The following RYR1 variants were observed in gnomAD, a reference collection of about 807,000 sequenced individuals.
The protein encoded by RYR1 is ryanodine receptor 1.
RYR1 carries 342 observed loss-of-function variants against 583.5 expected under a neutral mutation model. That is an observed-to-expected ratio of 0.59 (90% CI 0.54 to 0.64). The LOEUF (loss-of-function observed/expected upper bound fraction) is 0.64. RYR1 is among the 30% of genes least tolerant of loss of function. RYR1 has a pLI of 0.00. For missense variants in RYR1, 6,032 were observed against 6,917.2 expected, an observed-to-expected ratio of 0.87 and a Z score of 4.54; for synonymous variants, 2,791 against 2,822.5, an observed-to-expected ratio of 0.99 and a Z score of 0.35.
At chr19:38,442,101 T>A (rs965742982) in intron 2 of RYR1, among the ~76,000 whole-genome samples, 1 of 151,266 alleles carries the variant, frequency 6.6e-6, no homozygotes, top group Non-Finnish European at 1.5e-5. Flanking sequence ...TTAGGGAAGT[T>A]TCTATGGAGT....
At position 38,565,242 on chromosome 19, in the gene RYR1, G is replaced by A. The variant is rs1367903656; in HGVS notation, c.12908G>A (p.Arg4303Gln). ...GCGCGGGTTGTGGCGGCCGCAGGCC[G>A]GGCCCTGCGAGGCCTCAGCTACCGC... The part of the protein sequence containing the change: ...ATARVVAAAG[R>Q]ALRGLSYRSL... Residue 4303 changes from arginine (R) to glutamine (Q), a missense_variant, in exon 91 of 106, where the codon CGG becomes CAG. This residue lies in a region of RYR1 where 753 missense variants were observed against 759.6 expected (regional missense o/e 0.99). Transcript: ENST00000359596. The surrounding 1 kb of genome is among the most constrained non-coding windows in gnomAD (Gnocchi z 4.7). 3 of 989,824 alleles carry A rather than the reference G, an allele frequency of 3.0e-6. No homozygotes were observed. In the South Asian group the frequency reaches 1.4e-4, roughly 45 times the overall value. The allele number at this position is 989,824 out of a possible 1,614,324, so 61.3% of individuals were successfully genotyped here. A position where few individuals can be genotyped will look rare whatever the true frequency, so the allele number is the denominator to read the frequency against.
intron 30 of RYR1, 26 bp from the exon 31 acceptor site, chr19:38,478,409 G>T (rs1281098117): frequency 1.2e-6 from 2 of 1,610,708 alleles, no homozygotes; most frequent in African/African-American, 1.3e-5. Flanking sequence ...CATGAGGAGT[G>T]CAGTGACCGC....
intron 35 of RYR1, among the ~76,000 whole-genome samples, chr19:38,489,872 C>T (rs998816630): frequency 6.6e-6 from 1 of 152,172 alleles, no homozygotes; most frequent in African/African-American, 2.4e-5. Context: ...TCAGGTGATC[C>T]ACCCACCTCG....
chr19:38,462,975 C>A (rs916327042), intron 20 of RYR1, among the ~76,000 whole-genome samples: 8 of 147,946 alleles, frequency 5.4e-5, no homozygotes, highest in African/African-American at 2.0e-4. Context: ...TGGCTCACTG[C>A]AACCTCTGCC....
chr19:38,456,760 A>G (rs1021902573), intron 16 of RYR1, among the ~76,000 whole-genome samples: 1 of 149,270 alleles, frequency 6.7e-6, no homozygotes. Flanking sequence ...ATTAAAAGGA[A>G]TGACAGCCGG....
intron 54 of RYR1, 143 bp downstream of exon 54, chr19:38,506,089 T>C (rs1023826103): frequency 2.8e-5 from 34 of 1,215,706 alleles, no homozygotes; most frequent in Admixed American, 6.3e-5. Flanking sequence ...ACCTGAGATC[T>C]GGGAAAGGAG....
In RYR1 at chr19:38,442,342, A is replaced by AC. The variant is rs745926203; in HGVS notation, c.166-3dup. Reference sequence around the variant, plus strand: ...GACCCCTCACTTACATCCCCCTCCCACCCCAGAATGTGCCCCCCGATCTGG... The same window carrying AC: ...GACCCCTCACTTACATCCCCCTCCCACCCCCAGAATGTGCCCCCCGATCTGG... On this transcript the variant is annotated splice_polypyrimidine_tract_variant and splice_region_variant and intron_variant, in intron 2 of 105. Coordinates refer to ENST00000359596, the MANE Select transcript of RYR1 (RefSeq NM_000540.3). 3.5e-5 allele frequency: 55 copies of AC among 1,582,690 alleles called. No homozygotes were observed. In the African/African-American group the frequency reaches 7.3e-4, roughly 21 times the overall value.
chr19:38,524,384 C>T (rs963818057), intron 70 of RYR1, among the ~76,000 whole-genome samples: 9 of 151,946 alleles, frequency 5.9e-5, no homozygotes, highest in Non-Finnish European at 1.2e-4. Flanking sequence ...GATAGTTAGC[C>T]GTGTGACCTT....
chr19:38,439,360 C>T (rs1372620898), intron 1 of RYR1, among the ~76,000 whole-genome samples: 2 of 152,086 alleles, frequency 1.3e-5, no homozygotes, highest in Admixed American at 6.6e-5. Context: ...CCACCATGCC[C>T]GGGTAATTTT....
In RYR1 at chr19:38,467,720, G is replaced by A. The variant is rs781256507; in HGVS notation, c.3289G>A (p.Gly1097Ser). The change falls in exon 25 of 106, where the codon GGC (glycine) becomes AGC (serine). Residue 1097 changes from glycine (G) to serine (S), a missense_variant. Gly to Ser is a moderately conservative substitution (Grantham distance 56). This residue lies in a region of RYR1 where 2,627 missense variants were observed against 2,961.3 expected (regional missense o/e 0.89). Coordinates refer to ENST00000359596, the MANE Select transcript of RYR1 (RefSeq NM_000540.3). The part of the protein sequence containing the change: ...WYFEFEAVTT[G>S]EMRVGWARPE... ...CTTCGAGTTTGAAGCAGTCACCACA[G>A]GCGAGATGCGCGTGGGCTGGGCGAG... The A allele has an allele frequency of 6.2e-7, 1 of 1,614,240 alleles. No individual in the cohort carries two copies. Among genetic ancestry groups the A allele is most frequent in the Non-Finnish European group, 8.5e-7 (1 of 1,180,054 alleles).
chr19:38,443,895 C>G lies in RYR1; in HGVS notation c.424+99C>G. 3 of 1,144,214 alleles carry G rather than the reference C, an allele frequency of 2.6e-6. No homozygotes were observed. The Admixed American group carries it at 5.4e-5, about 21-fold the overall frequency. The allele number at this position is 1,144,214 out of a possible 1,614,324, so 70.9% of individuals were successfully genotyped here. The stretch of plus-strand genomic sequence containing the variant: ...ACGCCAAGGCAAGCATGAGACTACC[C>G]TGGGGACATGAATGGGGGCTTCGTA... On this transcript the variant is annotated intron_variant, in intron 5 of 105. Transcript: ENST00000359596.
At chr19:38,585,134 G>A (rs1330475030) in intron 102 of RYR1, 35 bp downstream of exon 102, 2 of 1,608,372 alleles carry the variant, frequency 1.2e-6, no homozygotes, top group Non-Finnish European at 1.7e-6. Flanking sequence ...GGGCCCGGAG[G>A]CAGGCTAGCT....
chr19:38,516,050 G>C (rs1371862370), intron 64 of RYR1, 37 bp from the exon 65 acceptor site: 1 of 1,539,936 alleles, frequency 6.5e-7, no homozygotes, highest in Non-Finnish European at 8.8e-7. Flanking sequence ...CCCAAAGAGG[G>C]GGACACGTGG....
intron 96 of RYR1, among the ~76,000 whole-genome samples, chr19:38,575,060 CGTT>C (rs145031682): frequency 0.015 from 2,326 of 150,246 alleles, 61 homozygotes; most frequent in African/African-American, 0.054. Flanking sequence ...AAAAAAAACT[CGTT>C]GGCCATATTT....
intron 35 of RYR1, 148 bp from the exon 36 acceptor site, chr19:38,489,928 G>A: frequency 4.8e-6 from 4 of 824,800 alleles, no homozygotes. Context: ...CCATGCTTGA[G>A]GAAGGCAGGC....
chr19:38,577,653 G>A (rs560197981), intron 97 of RYR1, among the ~76,000 whole-genome samples: 3 of 152,122 alleles, frequency 2.0e-5, no homozygotes, highest in South Asian at 2.1e-4. Context: ...AAAATTAGCC[G>A]GGCATGGTGG....
chr19:38,485,120 A>G (rs562608978), intron 33 of RYR1, among the ~76,000 whole-genome samples: 15 of 152,274 alleles, frequency 9.9e-5, no homozygotes, highest in African/African-American at 3.6e-4. Flanking sequence ...AAACACAACT[A>G]GTATACTCAG....
At position 38,444,750 on chromosome 19, in the gene RYR1, C is replaced by T; in HGVS notation, c.631+73C>T. 8.5e-7 allele frequency: 1 copy of T among 1,171,162 alleles called. No homozygotes were observed. Among genetic ancestry groups the T allele is most frequent in the East Asian group, 2.5e-5 (1 of 39,332 alleles). 72.5% of individuals were successfully genotyped at this position (1,171,162 alleles called of 1,614,324 possible). A position where few individuals can be genotyped will look rare whatever the true frequency, so the allele number is the denominator to read the frequency against. On this transcript the variant is annotated intron_variant, in intron 7 of 105. Transcript: ENST00000359596. The surrounding 1 kb of genome is among the most constrained non-coding windows in gnomAD (Gnocchi z 5.1). ...CCCTTAATGTTGCCCTTCAGGCATA[C>T]CCAAATGGAGCCTTGGAACCTCAGA...
chr19:38,528,892 G>A (rs1017496955), intron 75 of RYR1, 59 bp from the exon 76 acceptor site: 9 of 1,568,004 alleles, frequency 5.7e-6, no homozygotes, highest in Non-Finnish European at 7.9e-6. Context: ...AGGGACATGG[G>A]GGCAGTGACA....
Sources: allele counts gnomAD v4.1 joint callset (sites outside exome capture counted in the v4.1 genomes callset), GRCh38; gene constraint gnomAD v4.1.1; regional missense constraint gnomAD v4.1.1; non-coding constraint Gnocchi (gnomAD v3.1); transcripts MANE v1.5; gene names NCBI Gene and HGNC (gene_info 2026-07-23, HGNC 2026-07-21).